The following IL1RAPL1 variants were observed in gnomAD, a reference collection of about 807,000 sequenced individuals.
The protein encoded by IL1RAPL1 is interleukin 1 receptor accessory protein like 1.
IL1RAPL1 carries 3 observed loss-of-function variants against 48.4 expected under a neutral mutation model. The observed-to-expected ratio is 0.06, with a 90% CI of 0.03 to 0.16. The LOEUF (loss-of-function observed/expected upper bound fraction) is 0.16. IL1RAPL1 is among the 10% of genes least tolerant of loss of function. IL1RAPL1 has a pLI of 1.00. For missense variants in IL1RAPL1, 349 were observed against 530.6 expected, an observed-to-expected ratio of 0.66 and a Z score of 3.36; for synonymous variants, 185 against 187.7, an observed-to-expected ratio of 0.99 and a Z score of 0.12.
chrX:28,860,989 G>A (rs1921928967), intron 2 of IL1RAPL1, among the ~76,000 whole-genome samples: 1 of 110,344 alleles, frequency 9.1e-6, no homozygotes, highest in Non-Finnish European at 1.9e-5. Context: ...ATGTTTTATT[G>A]TTCCCTGTTG....
chrX:29,232,913 C>G (rs1203724677), intron 2 of IL1RAPL1, among the ~76,000 whole-genome samples: 1 of 110,193 alleles, frequency 9.1e-6, no homozygotes, highest in Non-Finnish European at 1.9e-5. Context: ...ATTCTCCTGT[C>G]TCGGCCTCCC....
At chrX:29,016,459 CAT>C (rs1926242771) in intron 2 of IL1RAPL1, among the ~76,000 whole-genome samples, 1 of 111,064 alleles carries the variant, frequency 9.0e-6, no homozygotes, top group African/African-American at 3.3e-5. Context: ...CTTAAAATTC[CAT>C]ATGTTACTCT....
intron 2 of IL1RAPL1, among the ~76,000 whole-genome samples, chrX:29,085,169 A>G (rs1393421514): frequency 8.9e-6 from 1 of 111,749 alleles, no homozygotes; most frequent in Non-Finnish European, 1.9e-5. Context: ...TAACAAATAT[A>G]TAATAAAGTA....
intron 8 of IL1RAPL1, among the ~76,000 whole-genome samples, chrX:29,926,159 A>G (rs1340254809): frequency 8.9e-6 from 1 of 111,921 alleles, no homozygotes; most frequent in Non-Finnish European, 1.9e-5. Flanking sequence ...ATCAGTTTTA[A>G]TATGGAAGTA....
At chrX:29,873,512 G>A (rs930853844) in intron 6 of IL1RAPL1, among the ~76,000 whole-genome samples, 1 of 111,120 alleles carries the variant, frequency 9.0e-6, no homozygotes, top group East Asian at 2.8e-4. Flanking sequence ...AAGGGAGTTT[G>A]TTAGACCCCC....
At chrX:29,033,870 T>TGAAAA (rs1346896541) in intron 2 of IL1RAPL1, among the ~76,000 whole-genome samples, 1 of 102,121 alleles carries the variant, frequency 9.8e-6, no homozygotes, top group Non-Finnish European at 2.0e-5. Flanking sequence ...CCAATGAGAA[T>TGAAAA]GAAAAGAAAA....
chrX:29,322,703 C>G (rs1440020003), intron 3 of IL1RAPL1, among the ~76,000 whole-genome samples: 2 of 111,941 alleles, frequency 1.8e-5, no homozygotes, highest in African/African-American at 6.5e-5. Flanking sequence ...GCTTGGCTCT[C>G]TCATGCATCT....
At chrX:29,693,617 G>A (rs1926833062) in intron 6 of IL1RAPL1, among the ~76,000 whole-genome samples, 1 of 111,766 alleles carries the variant, frequency 8.9e-6, no homozygotes, top group Non-Finnish European at 1.9e-5. Flanking sequence ...AGCAATAATT[G>A]CAATACTCTC....
At chrX:28,895,612 A>G (rs934313443) in intron 2 of IL1RAPL1, among the ~76,000 whole-genome samples, 2 of 110,999 alleles carry the variant, frequency 1.8e-5, no homozygotes, top group Non-Finnish European at 3.8e-5. Flanking sequence ...AGAGTGTTTA[A>G]AAGAATGTTT....
intron 2 of IL1RAPL1, among the ~76,000 whole-genome samples, chrX:29,042,602 A>G (rs1431743862): frequency 9.0e-6 from 1 of 111,667 alleles, no homozygotes; most frequent in Non-Finnish European, 1.9e-5. Flanking sequence ...TTGTAAGCGT[A>G]ATTATATTAT....
intron 2 of IL1RAPL1, among the ~76,000 whole-genome samples, chrX:28,818,875 A>G (rs5985803): frequency 2.7e-5 from 3 of 110,599 alleles, no homozygotes; most frequent in Non-Finnish European, 3.8e-5. Flanking sequence ...CTCTAGTACT[A>G]TCTTGAGAAA....
chrX:29,458,225 A>T (rs11798287), intron 5 of IL1RAPL1, among the ~76,000 whole-genome samples: 1,760 of 112,263 alleles, frequency 0.016, 16 homozygotes, highest in Non-Finnish European at 0.026. Context: ...CATTCTGTAG[A>T]TTGTTTACTC....
At chrX:29,184,540 G>A (rs186610453) in intron 2 of IL1RAPL1, among the ~76,000 whole-genome samples, 7 of 110,849 alleles carry the variant, frequency 6.3e-5, no homozygotes, top group Non-Finnish European at 1.1e-4. Context: ...TATCTCTGTC[G>A]CCCAGGCTGG....
At chrX:29,554,173 A>G (rs1222879202) in intron 5 of IL1RAPL1, among the ~76,000 whole-genome samples, 1 of 111,019 alleles carries the variant, frequency 9.0e-6, no homozygotes, top group African/African-American at 3.3e-5. Flanking sequence ...AAAACCAACA[A>G]AAACGATGGA....
chrX:29,029,367 A>G (rs1926564813), intron 2 of IL1RAPL1, among the ~76,000 whole-genome samples: 1 of 111,093 alleles, frequency 9.0e-6, no homozygotes, highest in Non-Finnish European at 1.9e-5. Context: ...ATTTTCCTCC[A>G]AGTAGAAGGT....
chrX:28,714,359 C>T (rs1400543811), intron 1 of IL1RAPL1, among the ~76,000 whole-genome samples: 1 of 111,519 alleles, frequency 9.0e-6, no homozygotes, highest in African/African-American at 3.3e-5. Context: ...ATCTCAAGAA[C>T]AGAAGTAGTC....
chrX:29,940,699 G>A (rs1384638866), intron 8 of IL1RAPL1, among the ~76,000 whole-genome samples: 1 of 111,376 alleles, frequency 9.0e-6, no homozygotes, highest in Non-Finnish European at 1.9e-5. Flanking sequence ...TGGTTCTAAA[G>A]AAGGAAAAAA....
In IL1RAPL1 at chrX:28,704,831, CAAAAA is replaced by C. The variant is rs1179973377; in HGVS notation, c.-24-84475_-24-84471del. Among the ~76,000 whole-genome samples, 3 of 29,652 alleles carry C rather than the reference CAAAAA, an allele frequency of 1.0e-4. 1 individual carries two copies. Among genetic ancestry groups the C allele is most frequent in the African/African-American group, 4.7e-4 (3 of 6,357 alleles). The allele number at this position is 29,652 out of a possible 115,157, so 25.7% of individuals were successfully genotyped here. On this transcript the variant is annotated intron_variant, in intron 1 of 10. Transcript: ENST00000378993. ...ACACACACACACACACACACACACA[CAAAAA>C]AAAAAAAAAAAAACTGTGACTGGAG...
intron 2 of IL1RAPL1, among the ~76,000 whole-genome samples, chrX:28,814,773 G>A (rs1166506925): frequency 8.0e-5 from 6 of 74,697 alleles, no homozygotes; most frequent in Non-Finnish European, 1.3e-4. Context: ...TCTTTTTCTG[G>A]CTTTTCTGGC....
Sources: allele counts gnomAD v4.1 joint callset (sites outside exome capture counted in the v4.1 genomes callset), GRCh38; gene constraint gnomAD v4.1.1; transcripts MANE v1.5; gene names NCBI Gene and HGNC (gene_info 2026-07-23, HGNC 2026-07-21).